Variants in DLC1 observed in about 807,000 individuals in gnomAD.
The protein encoded by DLC1 is DLC1 Rho GTPase activating protein, also known as rho GTPase-activating protein 7.
DLC1 carries 54 observed loss-of-function variants against 140.3 expected under a neutral mutation model. That is an observed-to-expected ratio of 0.38 (90% CI 0.31 to 0.48). The LOEUF (loss-of-function observed/expected upper bound fraction) is 0.48. DLC1 is among the 20% of genes least tolerant of loss of function. DLC1 has a pLI of 0.96. For missense variants in DLC1, 2,536 were observed against 1,907.0 expected (o/e 1.33, Z -6.14); for synonymous variants, 986 against 728.1 (o/e 1.35, Z -5.70).
chr8:13,586,940 C>T (rs1585305979), intron 1 of DLC1, among the ~76,000 whole-genome samples: 1 of 152,078 alleles, frequency 6.6e-6, no homozygotes, highest in Admixed American at 6.6e-5. Context: ...GCATCAGGTG[C>T]CTCAATATAA....
At chr8:13,276,489 G>A in intron 5 of DLC1, 2 of 1,327,288 alleles carry the variant, frequency 1.5e-6, no homozygotes, top group South Asian at 2.0e-5. Context: ...GCAGGCTGTC[G>A]CCTGCCTTCA....
intron 5 of DLC1, among the ~76,000 whole-genome samples, chr8:13,153,745 T>C (rs923990185): frequency 2.0e-5 from 3 of 151,814 alleles, no homozygotes; most frequent in Non-Finnish European, 4.4e-5. Flanking sequence ...CACTGATTGG[T>C]GTGTTTACAA....
intron 5 of DLC1, among the ~76,000 whole-genome samples, chr8:13,128,753 T>A (rs1182938187): frequency 6.6e-6 from 1 of 151,010 alleles, no homozygotes; most frequent in African/African-American, 2.4e-5. Flanking sequence ...GAGAATGGCG[T>A]GAACCCGGGA....
intron 4 of DLC1, among the ~76,000 whole-genome samples, chr8:13,353,070 C>A (rs1186610573): frequency 6.6e-6 from 1 of 152,112 alleles, no homozygotes; most frequent in East Asian, 1.9e-4. Flanking sequence ...TGTTACTCTG[C>A]TTCCTTAGTT....
chr8:13,094,563 G>A (rs1818348675), intron 12 of DLC1, among the ~76,000 whole-genome samples, 196 bp downstream of exon 12: 1 of 152,142 alleles, frequency 6.6e-6, no homozygotes, highest in Admixed American at 6.5e-5. Context: ...CCACTTGGGA[G>A]GCTGAGGTGG....
intron 2 of DLC1, among the ~76,000 whole-genome samples, chr8:13,463,400 A>G (rs1178964171): frequency 6.6e-6 from 1 of 152,188 alleles, no homozygotes; most frequent in South Asian, 2.1e-4. Flanking sequence ...CTGTTAGGAC[A>G]TGGAGTACTT....
chr8:13,132,857 A>C (rs995393924), intron 5 of DLC1: 10 of 1,496,946 alleles, frequency 6.7e-6, no homozygotes, highest in Non-Finnish European at 9.1e-6. Flanking sequence ...CCGACTTGAC[A>C]AGGCGGGGTG....
At chr8:13,604,117 A>G (rs986991190) in intron 1 of DLC1, among the ~76,000 whole-genome samples, 2 of 152,178 alleles carry the variant, frequency 1.3e-5, no homozygotes, top group African/African-American at 4.8e-5. Context: ...ATTCAATAAA[A>G]TAGTAGAGGT....
At chr8:13,509,188 G>C (rs908194586) in intron 1 of DLC1, among the ~76,000 whole-genome samples, 1 of 152,118 alleles carries the variant, frequency 6.6e-6, no homozygotes, top group Non-Finnish European at 1.5e-5. Flanking sequence ...TTTATTTTTA[G>C]CTTTGCTATC....
chr8:13,216,590 C>G (rs746848192), intron 5 of DLC1, among the ~76,000 whole-genome samples: 1 of 152,140 alleles, frequency 6.6e-6, no homozygotes, highest in Non-Finnish European at 1.5e-5. Context: ...TCCTTTCCTT[C>G]GTGTCATTTC....
Position 13,390,744 on chromosome 8 carries a change from T to A in DLC1, c.1314+2809A>T, listed in dbSNP as rs960052166. Among the ~76,000 whole-genome samples, 4 of 152,052 alleles carry A rather than the reference T, an allele frequency of 2.6e-5. No individual in the cohort carries two copies. In the South Asian group the frequency reaches 6.2e-4, roughly 24 times the overall value. On this transcript the variant is annotated intron_variant, in intron 4 of 17. Coordinates refer to ENST00000276297, the MANE Select transcript of DLC1 (RefSeq NM_182643.3). ...GGCTCACGCCTGTAATCCCAGCACT[T>A]TGGGAGGCCGAGGCGGGTGGATCAT...
chr8:13,295,942 GTTTTTTT>G (rs71207138), intron 5 of DLC1, among the ~76,000 whole-genome samples: 2 of 72,874 alleles, frequency 2.7e-5, no homozygotes, highest in Admixed American at 2.0e-4. Context: ...AAGATTCTTT[GTTTTTTT>G]TTTTTTTTTT....
chr8:13,170,455 G>A (rs892608893), intron 5 of DLC1, among the ~76,000 whole-genome samples: 3 of 152,112 alleles, frequency 2.0e-5, no homozygotes, highest in East Asian at 1.9e-4. Context: ...TCCGGGCCGG[G>A]CGCGGTGGCT....
At chr8:13,464,323 C>T (rs1799821774) in intron 2 of DLC1, among the ~76,000 whole-genome samples, 1 of 152,096 alleles carries the variant, frequency 6.6e-6, no homozygotes, top group Admixed American at 6.5e-5. Context: ...ATCCTCTTGA[C>T]CATGTGTTAG....
In DLC1 at chr8:13,290,969, C is replaced by T. The variant is rs528885653; in HGVS notation, c.1348+14300G>A. On this transcript the variant is annotated intron_variant, in intron 5 of 17. Transcript: ENST00000276297. The stretch of plus-strand genomic sequence containing the variant: ...CACTGCCCAGGCTGGAGTGCAATGG[C>T]GCGATCTTGGCTCCCTGCAACCTCT... Among the ~76,000 whole-genome samples, 6 of 152,216 alleles carry T rather than the reference C, an allele frequency of 3.9e-5. No homozygotes were observed. In the East Asian group the frequency reaches 5.8e-4, roughly 15 times the overall value.
intron 2 of DLC1, among the ~76,000 whole-genome samples, chr8:13,425,424 A>G (rs1215759350): frequency 6.6e-6 from 1 of 152,198 alleles, no homozygotes; most frequent in East Asian, 1.9e-4. Context: ...AACTTGGAAA[A>G]CAAACAGCAG....
intron 4 of DLC1, among the ~76,000 whole-genome samples, chr8:13,322,090 T>TAATA (rs1833150565): frequency 1.3e-5 from 2 of 152,186 alleles, no homozygotes; most frequent in East Asian, 3.8e-4. Context: ...GTTTTACATG[T>TAATA]ACTTTTAAGA....
chr8:13,499,090 G>A lies in DLC1; in HGVS notation c.982C>T (p.Gln328Ter). Residue 328 changes from glutamine to a stop codon, truncating the protein, a stop_gained, in exon 2 of 18, where the codon CAG becomes TAG. Coordinates refer to ENST00000276297, the MANE Select transcript of DLC1 (RefSeq NM_182643.3). LOFTEE classifies it high-confidence loss of function. Reference sequence around the variant, plus strand: ...CTGACTTGGTTATCTGTGGGTTCCTGGGTGGCCAGGGTCTCCTTTAATTGT... The same window carrying A: ...CTGACTTGGTTATCTGTGGGTTCCTAGGTGGCCAGGGTCTCCTTTAATTGT... Reference protein sequence around the residue: ...CLQLKETLATQEPTDNQVRLR... With the variant: ...CLQLKETLAT 6.2e-7 allele frequency: 1 copy of A among 1,613,686 alleles called. No individual in the cohort carries two copies. Among genetic ancestry groups the A allele is most frequent in the Non-Finnish European group, 8.5e-7 (1 of 1,179,874 alleles).
intron 5 of DLC1, chr8:13,276,368 G>T: frequency 2.0e-6 from 3 of 1,520,680 alleles, no homozygotes; most frequent in African/African-American, 1.4e-5. Flanking sequence ...CTCGCAGGGG[G>T]CGCGCCATCA....
Sources: allele counts gnomAD v4.1 joint callset (sites outside exome capture counted in the v4.1 genomes callset), GRCh38; gene constraint gnomAD v4.1.1; transcripts MANE v1.5; gene names NCBI Gene and HGNC (gene_info 2026-07-23, HGNC 2026-07-21).